The following DEPTOR variants were observed in gnomAD, a reference collection of about 807,000 sequenced individuals.
DEPTOR encodes the protein DEP domain-containing mTOR-interacting protein.
DEPTOR carries 41 observed loss-of-function variants against 41.6 expected under a neutral mutation model. That is an observed-to-expected ratio of 0.98 (90% CI 0.77 to 1.28). The LOEUF (loss-of-function observed/expected upper bound fraction) is 1.28, where lower values mean the gene tolerates loss of function less well. DEPTOR is among the 50% of genes most tolerant of loss of function. The pLI, the probability that DEPTOR is intolerant of heterozygous loss-of-function variation, is 0.00. For missense variants in DEPTOR, 514 were observed against 527.9 expected, an observed-to-expected ratio of 0.97 and a Z score of 0.26; for synonymous variants, 195 against 192.3, an observed-to-expected ratio of 1.01 and a Z score of -0.12.
At chr8:120,044,487 C>A (rs1003691094) in intron 8 of DEPTOR, among the ~76,000 whole-genome samples, 2 of 152,146 alleles carry the variant, frequency 1.3e-5, no homozygotes, top group Non-Finnish European at 1.5e-5. Context: ...AATACCAGAG[C>A]AAATGAACTT....
chr8:119,885,544 G>A (rs115210669), intron 1 of DEPTOR, among the ~76,000 whole-genome samples: 1,690 of 152,252 alleles, frequency 0.011, 29 homozygotes, highest in African/African-American at 0.038. Flanking sequence ...AGTGAGCATA[G>A]CCTAGGTCGT....
In DEPTOR at chr8:119,985,241, C is replaced by A. The variant is rs145594911; in HGVS notation, c.605-16284C>A. 7.6e-4 allele frequency among the ~76,000 whole-genome samples: 115 copies of A among 152,252 alleles called. 1 individual carries two copies. Among genetic ancestry groups the A allele is most frequent in the African/African-American group, 2.6e-3 (107 of 41,544 alleles). On this transcript the variant is annotated intron_variant, in intron 4 of 8. Transcript: ENST00000286234. Reference sequence around the variant, plus strand: ...TATTGTTTCCCAACTTTTTAATGATCGCCATTCTAACTGGCATGAGATGGT... The same window carrying A: ...TATTGTTTCCCAACTTTTTAATGATAGCCATTCTAACTGGCATGAGATGGT...
chr8:120,027,294 G>A, intron 8 of DEPTOR, among the ~76,000 whole-genome samples: 1 of 151,450 alleles, frequency 6.6e-6, no homozygotes, highest in East Asian at 1.9e-4. Flanking sequence ...GTCAGAGGAT[G>A]TCACATTTCT....
In DEPTOR at chr8:120,004,950, A is replaced by G. The variant is rs1479813744; in HGVS notation, c.925+1839A>G. 5.5e-5 allele frequency among the ~76,000 whole-genome samples: 8 copies of G among 145,688 alleles called. No individual in the cohort carries two copies. In the East Asian group the frequency reaches 1.5e-3, roughly 28 times the overall value. ...ACTGTATATAAATGCCCTAAGCCAG[A>G]CACAAAAAACAGTACTAAAGATATT... On this transcript the variant is annotated intron_variant, in intron 6 of 8. Coordinates refer to ENST00000286234, the MANE Select transcript of DEPTOR (RefSeq NM_022783.4).
At chr8:119,901,609 G>T (rs545813813) in intron 1 of DEPTOR, among the ~76,000 whole-genome samples, 1 of 151,722 alleles carries the variant, frequency 6.6e-6, no homozygotes, top group South Asian at 2.1e-4. Context: ...CCAGGAGGTG[G>T]AGGTTGCAGT....
At chr8:120,038,799 T>C (rs924691219) in intron 8 of DEPTOR, among the ~76,000 whole-genome samples, 1 of 152,126 alleles carries the variant, frequency 6.6e-6, no homozygotes. Flanking sequence ...TTTCACCACT[T>C]ACTAGCTCTG....
rs185542402 is a variant in DEPTOR at position 119,936,476 on chromosome 8, A to G, written c.425+6538A>G. Among the ~76,000 whole-genome samples, 3 of 152,318 alleles carry G rather than the reference A, an allele frequency of 2.0e-5. No individual in the cohort carries two copies. In the East Asian group the frequency reaches 5.8e-4, roughly 29 times the overall value. ...CTCTTTAGAGCCCACAAACCATCAT[A>G]TACATTAATTTGTTTGATCCTCTGT... On this transcript the variant is annotated intron_variant, in intron 3 of 8. Transcript: ENST00000286234.
At position 119,977,291 on chromosome 8, in the gene DEPTOR, C is replaced by T. The variant is rs908694841; in HGVS notation, c.604+11881C>T. Among the ~76,000 whole-genome samples, 25 of 152,176 alleles carry T rather than the reference C, an allele frequency of 1.6e-4. 1 individual carries two copies. Among genetic ancestry groups the T allele is most frequent in the African/African-American group, 5.3e-4 (22 of 41,434 alleles). On this transcript the variant is annotated intron_variant, in intron 4 of 8. Coordinates refer to ENST00000286234, the MANE Select transcript of DEPTOR (RefSeq NM_022783.4). ...GTATTGGAATTACAGGCATGAGCCA[C>T]TGCACATGACCATGTCTCTGTTTTT...
intron 1 of DEPTOR, among the ~76,000 whole-genome samples, chr8:119,923,195 T>A (rs1179166456): frequency 6.6e-6 from 1 of 152,130 alleles, no homozygotes; most frequent in Admixed American, 6.6e-5. Context: ...GCTTAAAAAA[T>A]CTCCACATCT....
At chr8:120,032,778 C>T (rs1452691457) in intron 8 of DEPTOR, among the ~76,000 whole-genome samples, 1 of 152,212 alleles carries the variant, frequency 6.6e-6, no homozygotes, top group Non-Finnish European at 1.5e-5. Flanking sequence ...TTCACTTCCA[C>T]CTTCCAGGTA....
At chr8:119,968,755 T>C (rs1207394041) in intron 4 of DEPTOR, among the ~76,000 whole-genome samples, 1 of 152,206 alleles carries the variant, frequency 6.6e-6, no homozygotes, top group African/African-American at 2.4e-5. Flanking sequence ...TGGATATTAC[T>C]GCTAGTAAGT....
intron 3 of DEPTOR, among the ~76,000 whole-genome samples, chr8:119,930,873 C>A (rs1464722860): frequency 2.6e-5 from 4 of 152,092 alleles, no homozygotes; most frequent in Admixed American, 2.6e-4. Flanking sequence ...ATGGCACGTG[C>A]TTTGTAACCC....
chr8:120,015,270 C>T (rs1812591634), intron 8 of DEPTOR, among the ~76,000 whole-genome samples: 1 of 152,156 alleles, frequency 6.6e-6, no homozygotes, highest in Non-Finnish European at 1.5e-5. Flanking sequence ...TAGCTGGTTC[C>T]ATTGTTGTCC....
At chr8:119,950,474 G>T (rs1236591394) in intron 3 of DEPTOR, among the ~76,000 whole-genome samples, 1 of 151,902 alleles carries the variant, frequency 6.6e-6, no homozygotes, top group Non-Finnish European at 1.5e-5. Flanking sequence ...GGACTGCAGT[G>T]GTGCGATCTC....
At chr8:119,941,382 A>G (rs1293020874) in intron 3 of DEPTOR, among the ~76,000 whole-genome samples, 2 of 151,284 alleles carry the variant, frequency 1.3e-5, no homozygotes. Context: ...TCAAAAAAAA[A>G]AAAAAAAAAA....
intron 1 of DEPTOR, among the ~76,000 whole-genome samples, chr8:119,882,617 C>T (rs1431041102): frequency 6.6e-6 from 1 of 152,028 alleles, no homozygotes; most frequent in Non-Finnish European, 1.5e-5. Flanking sequence ...CCATGTTGCG[C>T]AGGCTGATCT....
At chr8:119,973,969 G>A (rs1415153052) in intron 4 of DEPTOR, among the ~76,000 whole-genome samples, 2 of 152,018 alleles carry the variant, frequency 1.3e-5, no homozygotes, top group Non-Finnish European at 2.9e-5. Context: ...AGCAAAGGAA[G>A]CTAGAGGCCA....
chr8:119,960,774 A>G (rs568632139), intron 3 of DEPTOR, among the ~76,000 whole-genome samples: 1 of 152,222 alleles, frequency 6.6e-6, no homozygotes, highest in East Asian at 1.9e-4. Flanking sequence ...ACCTGAGGTC[A>G]GGAGTTTAAG....
intron 3 of DEPTOR, among the ~76,000 whole-genome samples, chr8:119,960,473 C>T (rs1828476111): frequency 6.6e-6 from 1 of 152,082 alleles, no homozygotes; most frequent in South Asian, 2.1e-4. Context: ...TCAAATAGAA[C>T]TCTAATCATT....
Sources: allele counts gnomAD v4.1 joint callset (sites outside exome capture counted in the v4.1 genomes callset), GRCh38; gene constraint gnomAD v4.1.1; transcripts MANE v1.5; gene names NCBI Gene and HGNC (gene_info 2026-07-23, HGNC 2026-07-21).